KIAA1958: variants seen among roughly 807,000 people sequenced by gnomAD.
KIAA1958 encodes KIAA1958.
KIAA1958 carries 14 observed loss-of-function variants against 47.2 expected under a neutral mutation model. The ratio of observed to expected loss-of-function variants is 0.30; its 90% CI spans 0.20 to 0.46. KIAA1958 has a LOEUF of 0.46. Ranked by LOEUF, KIAA1958 falls within the 20% of genes least tolerant of loss-of-function variation. The pLI, the probability that KIAA1958 is intolerant of heterozygous loss-of-function variation, is 1.00. For missense variants in KIAA1958, 803 were observed against 909.2 expected, an observed-to-expected ratio of 0.88 and a Z score of 1.50; for synonymous variants, 354 against 353.3, an observed-to-expected ratio of 1.00 and a Z score of -0.02.
At chr9:112,527,336 G>A (rs1378260207) in intron 1 of KIAA1958, among the ~76,000 whole-genome samples, 1 of 152,162 alleles carries the variant, frequency 6.6e-6, no homozygotes. Flanking sequence ...GGAACAAACA[G>A]GAGAAAGAGC....
At chr9:112,513,248 AC>A (rs1201492496) in intron 1 of KIAA1958, among the ~76,000 whole-genome samples, 1 of 123,118 alleles carries the variant, frequency 8.1e-6, no homozygotes, top group East Asian at 2.3e-4. Flanking sequence ...CAGGTGATCC[AC>A]CCACCTCAGC....
rs568598566 is a variant in KIAA1958 at position 112,519,409 on chromosome 9, T to C, written c.-25+32291T>C. The stretch of plus-strand genomic sequence containing the variant: ...GTTTTCAGGGTCCGATTGGAAGTTT[T>C]ATGATGTAGTTTTTACATGATGGTT... On this transcript the variant is annotated intron_variant, in intron 1 of 3. Transcript: ENST00000337530. Among the ~76,000 whole-genome samples, 3 of 152,354 alleles carry C rather than the reference T, an allele frequency of 2.0e-5. No homozygotes were observed. In the South Asian group the frequency reaches 6.2e-4, roughly 32 times the overall value.
intron 1 of KIAA1958, among the ~76,000 whole-genome samples, chr9:112,500,201 AGCGATTCTTGT>A (rs1332981144): frequency 6.6e-6 from 1 of 151,012 alleles, no homozygotes; most frequent in African/African-American, 2.4e-5. Context: ...TCCTGGTTCC[AGCGATTCTTGT>A]GCCTCAGCCT....
intron 2 of KIAA1958, among the ~76,000 whole-genome samples, chr9:112,634,658 C>A (rs1447861449): frequency 1.3e-5 from 2 of 152,150 alleles, no homozygotes; most frequent in East Asian, 3.8e-4. Flanking sequence ...GGGGTTTGTC[C>A]TTCTAAATGA....
At chr9:112,628,152 C>T (rs1227393851) in intron 2 of KIAA1958, among the ~76,000 whole-genome samples, 2 of 151,524 alleles carry the variant, frequency 1.3e-5, no homozygotes, top group South Asian at 2.1e-4. Flanking sequence ...TGCCAGATCT[C>T]CACACTTGAT....
Position 112,666,531 on chromosome 9 carries a change from A to G in KIAA1958, c.*6462A>G, listed in dbSNP as rs1267914710. On this transcript the variant is annotated 3_prime_UTR_variant, in exon 4 of 4. Transcript: ENST00000337530. ...TAAATTAATAGAGCTGCATCTGGCA[A>G]AATGACATCCGGCTCACAGAAGACC... The G allele has an allele frequency of 2.0e-5, 3 of 152,212 alleles. No individual in the cohort carries two copies. Among genetic ancestry groups the G allele is most frequent in the Non-Finnish European group, 4.4e-5 (3 of 68,038 alleles). The allele number at this position is 152,212 out of a possible 1,614,324, so 9.4% of individuals were successfully genotyped here.
At position 112,659,687 on chromosome 9, in the gene KIAA1958, A is replaced by C. The variant is rs143861651; in HGVS notation, c.1769A>C (p.Gln590Pro). Residue 590 changes from glutamine to proline, a missense_variant, in exon 4 of 4, where the codon CAA (glutamine) becomes CCA (proline). Transcript: ENST00000337530. ...GACATCGAGCTGCTCAAAGACCCCC[A>C]AAACCAGCCCTACTTTGCCCGGACG... The part of the protein sequence containing the change: ...YGDIELLKDP[Q>P]NQPYFARTDS... 1.9e-6 allele frequency: 3 copies of C among 1,614,018 alleles called. No homozygotes were observed. In the African/African-American group the frequency reaches 4.0e-5, roughly 22 times the overall value.
intron 1 of KIAA1958, among the ~76,000 whole-genome samples, chr9:112,564,632 G>A (rs1835396750): frequency 6.6e-6 from 1 of 152,096 alleles, no homozygotes; most frequent in Non-Finnish European, 1.5e-5. Context: ...TGTGACTAGT[G>A]CTGGCTTAAA....
intron 1 of KIAA1958, among the ~76,000 whole-genome samples, chr9:112,511,818 C>A (rs1834329984): frequency 6.6e-6 from 1 of 152,016 alleles, no homozygotes; most frequent in South Asian, 2.1e-4. Context: ...ATACAGATTA[C>A]CAATATTAGG....
chr9:112,636,350 T>A (rs1157739509), intron 2 of KIAA1958, among the ~76,000 whole-genome samples: 1 of 152,176 alleles, frequency 6.6e-6, no homozygotes, highest in Admixed American at 6.5e-5. Flanking sequence ...AAGAAATGTG[T>A]ATTCTGAAGT....
intron 2 of KIAA1958, among the ~76,000 whole-genome samples, chr9:112,632,484 A>G (rs563090916): frequency 6.6e-6 from 1 of 152,170 alleles, no homozygotes; most frequent in Non-Finnish European, 1.5e-5. Flanking sequence ...GACATCATTC[A>G]GTATTGGCTG....
At chr9:112,619,781 T>G (rs879846460) in intron 2 of KIAA1958, among the ~76,000 whole-genome samples, 3 of 152,196 alleles carry the variant, frequency 2.0e-5, no homozygotes, top group Non-Finnish European at 4.4e-5. Flanking sequence ...TTGAAAATGT[T>G]GCCAAGCATT....
intron 2 of KIAA1958, among the ~76,000 whole-genome samples, chr9:112,616,520 A>G (rs989998137): frequency 6.6e-6 from 1 of 152,236 alleles, no homozygotes; most frequent in Non-Finnish European, 1.5e-5. Flanking sequence ...AACTTTTTCT[A>G]GATAACATAA....
chr9:112,578,462 G>A (rs147704238), intron 2 of KIAA1958, among the ~76,000 whole-genome samples: 315 of 152,230 alleles, frequency 2.1e-3, no homozygotes, highest in Middle Eastern at 0.01. Flanking sequence ...TCAGATCATT[G>A]CAGAAATACT....
At chr9:112,547,998 CTTTTTT>C (rs372918486) in intron 1 of KIAA1958, among the ~76,000 whole-genome samples, 18 of 94,552 alleles carry the variant, frequency 1.9e-4, no homozygotes, top group African/African-American at 6.0e-4. Context: ...GTCAGAAAAT[CTTTTTT>C]TTTTTTTTTT....
At chr9:112,576,815 G>T (rs1303244034) in intron 2 of KIAA1958, among the ~76,000 whole-genome samples, 1 of 152,112 alleles carries the variant, frequency 6.6e-6, no homozygotes, top group African/African-American at 2.4e-5. Context: ...TTGTGAACAG[G>T]TTTTTGTGTG....
chr9:112,521,868 GTGTGCCCTTA>G (rs1007702681), intron 1 of KIAA1958, among the ~76,000 whole-genome samples: 18 of 151,982 alleles, frequency 1.2e-4, no homozygotes, highest in African/African-American at 3.4e-4. Context: ...ACTGATTACT[GTGTGCCCTTA>G]TATGCCCTTA....
intron 2 of KIAA1958, among the ~76,000 whole-genome samples, chr9:112,642,947 G>C (rs1019984228): frequency 6.6e-6 from 1 of 152,136 alleles, no homozygotes; most frequent in Non-Finnish European, 1.5e-5. Flanking sequence ...CTGGGATTTA[G>C]GTTTCCTTTT....
At chr9:112,521,520 A>G (rs1263742772) in intron 1 of KIAA1958, among the ~76,000 whole-genome samples, 1 of 152,162 alleles carries the variant, frequency 6.6e-6, no homozygotes, top group East Asian at 1.9e-4. Context: ...GGCCCTCTGA[A>G]TAGTCTATAT....
Sources: gnomAD v4.1 joint callset for allele counts (sites outside exome capture counted in the v4.1 genomes callset) on GRCh38, gnomAD v4.1.1 for gene constraint, MANE v1.5 for transcripts, NCBI Gene and HGNC (gene_info 2026-07-23, HGNC 2026-07-21) for gene names.